The following KIF13A variants were observed in gnomAD, a reference collection of about 807,000 sequenced individuals.
KIF13A encodes the protein kinesin family member 13A, also known as kinesin-like protein KIF13A.
A neutral mutation model predicts 212.2 loss-of-function variants in KIF13A; 79 were observed. The observed-to-expected ratio is 0.37, with a 90% CI of 0.31 to 0.45. KIF13A has a LOEUF of 0.45. Among genes scored for constraint, KIF13A ranks in the 20% least tolerant of loss-of-function variants. The pLI, the probability that KIF13A is intolerant of heterozygous loss-of-function variation, is 1.00. For synonymous variants in KIF13A, 789 were observed against 808.6 expected, an observed-to-expected ratio of 0.98 and a Z score of 0.41; for missense variants, 1,901 against 2,209.0, an observed-to-expected ratio of 0.86 and a Z score of 2.79.
intron 17 of KIF13A, among the ~76,000 whole-genome samples, chr6:17,813,428 G>A (rs1038522665): frequency 3.3e-5 from 5 of 152,012 alleles, no homozygotes; most frequent in Non-Finnish European, 4.4e-5. Context: ...TGCAGTGAGC[G>A]GATATCATGC....
In KIF13A at chr6:17,829,970, A is replaced by G. The variant is rs1581447022; in HGVS notation, c.1401+1131T>C. ...TTAGAGATTCAGGTGTGTGGACAGCATATGTAAGCTGCCTTCAAGGCCCCA... is the reference window on the plus strand; with the variant it reads ...TTAGAGATTCAGGTGTGTGGACAGCGTATGTAAGCTGCCTTCAAGGCCCCA... On this transcript the variant is annotated intron_variant, in intron 13 of 38. Transcript: ENST00000259711. The surrounding 1 kb of genome is among the most constrained non-coding windows in gnomAD (Gnocchi z 5.4). Among the ~76,000 whole-genome samples, 1 of 152,124 alleles carries G rather than the reference A, an allele frequency of 6.6e-6. No homozygotes were observed. Among genetic ancestry groups the G allele is most frequent in the Admixed American group, 6.6e-5 (1 of 15,262 alleles).
intron 2 of KIF13A, among the ~76,000 whole-genome samples, chr6:17,978,435 T>A (rs762561273): frequency 5.9e-5 from 9 of 152,240 alleles, no homozygotes; most frequent in African/African-American, 1.9e-4. Flanking sequence ...CTTGTTTTAA[T>A]ACCTGTTTTC....
At position 17,898,267 on chromosome 6, in the gene KIF13A, G is replaced by T; in HGVS notation, c.147-87C>A. On this transcript the variant is annotated intron_variant, in intron 2 of 38. Coordinates refer to ENST00000259711, the MANE Select transcript of KIF13A (RefSeq NM_022113.6). The surrounding 1 kb of genome is among the most constrained non-coding windows in gnomAD (Gnocchi z 5.2). ...CACATCAGAGGGAAACAATGAAAGA[G>T]AAAAAAATAAGGTAAATTCAGCACC... The T allele has an allele frequency of 7.6e-7, 1 of 1,313,194 alleles. No individual in the cohort carries two copies. The highest frequency in any genetic ancestry group is 1.5e-5 in the African/African-American group (1 of 67,816). The allele number at this position is 1,313,194 out of a possible 1,614,324, so 81.3% of individuals were successfully genotyped here.
intron 4 of KIF13A, among the ~76,000 whole-genome samples, chr6:17,866,828 C>CATATATATATATATATAT (rs60217235): frequency 4.4e-5 from 1 of 22,932 alleles, no homozygotes; most frequent in Non-Finnish European, 8.9e-5. Context: ...AAAAGCAGCG[C>CATATATATATATATATAT]ATATATATAT....
intron 2 of KIF13A, among the ~76,000 whole-genome samples, chr6:17,917,392 C>T (rs530108368): frequency 6.6e-6 from 1 of 151,986 alleles, no homozygotes; most frequent in Admixed American, 6.6e-5. Flanking sequence ...AGGTGCCCGC[C>T]ACCACGCCCA....
In KIF13A at chr6:17,794,735, G is replaced by A. The variant is rs1168497778; in HGVS notation, c.2943-31C>T. The stretch of plus-strand genomic sequence containing the variant: ...GAAACACATTCCAACAAGCAAGAGC[G>A]TCATCGTCCAGGGATACTGTTAGTA... On this transcript the variant is annotated intron_variant, in intron 23 of 38. Transcript: ENST00000259711. The surrounding 1 kb of genome is among the most constrained non-coding windows in gnomAD (Gnocchi z 4.1). 8 of 1,597,210 alleles carry A rather than the reference G, an allele frequency of 5.0e-6. No homozygotes were observed. The highest frequency in any genetic ancestry group is 2.3e-5 in the South Asian group (2 of 88,176).
At chr6:17,983,843 G>T (rs1308297119) in intron 2 of KIF13A, among the ~76,000 whole-genome samples, 1 of 152,070 alleles carries the variant, frequency 6.6e-6, no homozygotes, top group Non-Finnish European at 1.5e-5. Context: ...ACACATACAA[G>T]CACCCAGAAG....
intron 18 of KIF13A, among the ~76,000 whole-genome samples, chr6:17,806,287 T>G (rs1254259288): frequency 6.6e-6 from 1 of 152,194 alleles, no homozygotes; most frequent in Non-Finnish European, 1.5e-5. Flanking sequence ...TTGGATGTAC[T>G]ATACATTTGA....
intron 2 of KIF13A, among the ~76,000 whole-genome samples, chr6:17,983,582 G>A (rs530817795): frequency 6.3e-4 from 95 of 149,756 alleles, no homozygotes; most frequent in South Asian, 3.0e-3. Flanking sequence ...AACCTCCATC[G>A]CCAAGGCTCA....
At chr6:17,965,205 T>C (rs1037481490) in intron 2 of KIF13A, among the ~76,000 whole-genome samples, 16 of 152,208 alleles carry the variant, frequency 1.1e-4, no homozygotes, top group African/African-American at 3.6e-4. Flanking sequence ...CTGGATTAAT[T>C]TTCTCTAATT....
chr6:17,940,490 G>A (rs1249991292), intron 2 of KIF13A, among the ~76,000 whole-genome samples: 5 of 152,182 alleles, frequency 3.3e-5, no homozygotes, highest in African/African-American at 1.2e-4. Flanking sequence ...CTAATTAGGG[G>A]TCAAAAATCA....
rs1759523868 is a variant in KIF13A, at chr6:17,771,836, ATGCACAC to A, written c.4476+65_4476+71del. ...TCCACATGCAGCACTCAGCTTGTTA[ATGCACAC>A]TGCTGCTTCACAGGTGACACAACTC... On this transcript the variant is annotated intron_variant, in intron 37 of 38. Transcript: ENST00000259711. This position sits in a 1 kb window ranked among gnomAD's most constrained non-coding sequence, Gnocchi z 5.4. 1 of 1,469,360 alleles carries A rather than the reference ATGCACAC, an allele frequency of 6.8e-7. No individual in the cohort carries two copies. The highest frequency in any genetic ancestry group is 9.4e-7 in the Non-Finnish European group (1 of 1,059,884). The allele number at this position is 1,469,360 out of a possible 1,614,324, so 91.0% of individuals were successfully genotyped here. A position where few individuals can be genotyped will look rare whatever the true frequency, so the allele number is the denominator to read the frequency against.
In KIF13A at chr6:17,926,875, T is replaced by A. The variant is rs1046445712; in HGVS notation, c.147-28695A>T. ...AGCAGGGACTGGGCGCGGTGGCTCA[T>A]ACCTGTAATCTCGGCACTTTGGGAG... On this transcript the variant is annotated intron_variant, in intron 2 of 38. Transcript: ENST00000259711. This position sits in a 1 kb window ranked among gnomAD's most constrained non-coding sequence, Gnocchi z 4.3. Among the ~76,000 whole-genome samples, 58 of 152,114 alleles carry A rather than the reference T, an allele frequency of 3.8e-4. No individual in the cohort carries two copies. Among genetic ancestry groups the A allele is most frequent in the African/African-American group, 1.4e-3 (56 of 41,428 alleles).
Position 17,769,321 on chromosome 6 carries a change from G to C in KIF13A, c.4581+1793C>G, listed in dbSNP as rs1759292818. Among the ~76,000 whole-genome samples the C allele has an allele frequency of 1.3e-5, 2 of 152,214 alleles. No individual in the cohort carries two copies. Among genetic ancestry groups the C allele is most frequent in the Non-Finnish European group, 1.5e-5 (1 of 68,044 alleles). On this transcript the variant is annotated intron_variant, in intron 38 of 38. Coordinates refer to ENST00000259711, the MANE Select transcript of KIF13A (RefSeq NM_022113.6). This position sits in a 1 kb window ranked among gnomAD's most constrained non-coding sequence, Gnocchi z 5.8. ...AGAGCCCAATTGCCTCTTAGGTGCA[G>C]AGTGCTCAGCAAGCCAGTTTCCTAT...
Position 17,777,432 on chromosome 6 carries a change from G to A in KIF13A, c.4093-78C>T. 2 of 1,194,970 alleles carry A rather than the reference G, an allele frequency of 1.7e-6. No homozygotes were observed. The highest frequency in any genetic ancestry group is 2.6e-5 in the South Asian group (2 of 76,702). 74.0% of individuals were successfully genotyped at this position (1,194,970 alleles called of 1,614,324 possible). ...AGAGTCTCACTCTGTTGCCCAGGCT[G>A]GAGTGTAGTGATGCGATCTCTGCTC... On this transcript the variant is annotated intron_variant, in intron 33 of 38. Transcript: ENST00000259711. This position sits in a 1 kb window ranked among gnomAD's most constrained non-coding sequence, Gnocchi z 4.4.
At chr6:17,962,760 G>A (rs1033298444) in intron 2 of KIF13A, among the ~76,000 whole-genome samples, 9 of 152,144 alleles carry the variant, frequency 5.9e-5, no homozygotes, top group African/African-American at 1.7e-4. Flanking sequence ...TTTCCTCTGA[G>A]CTTCCATACA....
intron 2 of KIF13A, among the ~76,000 whole-genome samples, chr6:17,945,522 GA>G (rs930171683): frequency 5.3e-5 from 8 of 151,076 alleles, no homozygotes; most frequent in East Asian, 1.9e-4. Context: ...ACTTGTGATA[GA>G]AAAAAAAATT....
intron 2 of KIF13A, among the ~76,000 whole-genome samples, chr6:17,911,930 A>C (rs1275972820): frequency 2.0e-5 from 3 of 152,054 alleles, no homozygotes; most frequent in Admixed American, 6.6e-5. Flanking sequence ...ATGCCCAGCT[A>C]ATTTTTTGTA....
In KIF13A at chr6:17,961,995, A is replaced by G. The variant is rs1778853381; in HGVS notation, c.146+25059T>C. 6.6e-6 allele frequency among the ~76,000 whole-genome samples: 1 copy of G among 152,142 alleles called. No homozygotes were observed. Among genetic ancestry groups the G allele is most frequent in the Non-Finnish European group, 1.5e-5 (1 of 68,032 alleles). ...TCTTTTGTGTGGCACCTACATACCA[A>G]TGTGTCTTATAATTGATGGTATTTT... On this transcript the variant is annotated intron_variant, in intron 2 of 38. Coordinates refer to ENST00000259711, the MANE Select transcript of KIF13A (RefSeq NM_022113.6). The surrounding 1 kb of genome is among the most constrained non-coding windows in gnomAD (Gnocchi z 4.1).
Sources: allele counts gnomAD v4.1 joint callset (sites outside exome capture counted in the v4.1 genomes callset), GRCh38; gene constraint gnomAD v4.1.1; non-coding constraint Gnocchi (gnomAD v3.1); transcripts MANE v1.5; gene names NCBI Gene and HGNC (gene_info 2026-07-23, HGNC 2026-07-21).